CUX1: variants seen among roughly 807,000 people sequenced by gnomAD.
The protein encoded by CUX1 is cut like homeobox 1, also known as protein CASP.
In CUX1, 31 loss-of-function variants were observed where a neutral mutation model predicts 158.8. The observed-to-expected ratio is 0.20, with a 90% CI of 0.15 to 0.26. CUX1 has a LOEUF of 0.26. CUX1 is among the 10% of genes least tolerant of loss of function. The pLI is 1.00. For missense variants in CUX1, 1,589 were observed against 2,014.6 expected (o/e 0.79, Z 4.04); for synonymous variants, 879 against 862.1 (o/e 1.02, Z -0.34).
intron 2 of CUX1, among the ~76,000 whole-genome samples, chr7:101,971,307 G>A (rs1471376381): frequency 1.3e-5 from 2 of 152,184 alleles, no homozygotes; most frequent in Non-Finnish European, 2.9e-5. Context: ...AGCACAGTAT[G>A]ACAAGCAAGG....
chr7:102,123,718 A>G (rs1158876256), intron 8 of CUX1, among the ~76,000 whole-genome samples: 1 of 151,918 alleles, frequency 6.6e-6, no homozygotes, highest in East Asian at 1.9e-4. Context: ...GCTAGAGTAC[A>G]GTGATGCGAT....
intron 2 of CUX1, among the ~76,000 whole-genome samples, chr7:101,970,792 C>T (rs961110929): frequency 3.3e-5 from 5 of 152,094 alleles, no homozygotes; most frequent in Admixed American, 6.6e-5. Flanking sequence ...CTGACCTCAG[C>T]TGACCCACCT....
chr7:101,984,090 ATATATAT>A lies in CUX1; in HGVS notation c.142-44007_142-44001del, dbSNP rs1352499253. On this transcript the variant is annotated intron_variant, in intron 2 of 23. Coordinates refer to ENST00000292535, the MANE Select transcript of CUX1 (RefSeq NM_181552.4). Reference sequence around the variant, plus strand: ...TCTGTCCCCCCCCAAAAAAAAAAAAATATATATATATATATATATATATATATATATA... The same window carrying A: ...TCTGTCCCCCCCCAAAAAAAAAAAAAATATATATATATATATATATATATA... Among the ~76,000 whole-genome samples, 175 of 34,958 alleles carry A rather than the reference ATATATAT, an allele frequency of 5.0e-3. 17 individuals are homozygous for A. Among genetic ancestry groups the A allele is most frequent in the East Asian group, 8.0e-3 (13 of 1,616 alleles). The allele number at this position is 34,958 out of a possible 152,430, so 22.9% of individuals were successfully genotyped here. A position where few individuals can be genotyped will look rare whatever the true frequency, so the allele number is the denominator to read the frequency against.
In CUX1 at chr7:102,152,214, C is replaced by A. The variant is rs1835769898; in HGVS notation, c.675-6346C>A. On this transcript the variant is annotated intron_variant, in intron 8 of 23. Transcript: ENST00000292535. ...TTTTCTTTTAAATTAGCTGGGCTTG[C>A]TAGTGCACACCTATAAGTCCCAGCT... Among the ~76,000 whole-genome samples, 3 of 151,962 alleles carry A rather than the reference C, an allele frequency of 2.0e-5. No homozygotes were observed. The South Asian group carries it at 6.2e-4, about 31-fold the overall frequency.
Position 102,256,640 on chromosome 7 carries a change from G to T in CUX1, c.*7598G>T. The T allele has an allele frequency of 1.0e-6, 1 of 985,404 alleles. No individual in the cohort carries two copies. Among genetic ancestry groups the T allele is most frequent in the African/African-American group, 1.7e-5 (1 of 57,338 alleles). The allele number at this position is 985,404 out of a possible 1,614,324, so 61.0% of individuals were successfully genotyped here. A position where few individuals can be genotyped will look rare whatever the true frequency, so the allele number is the denominator to read the frequency against. On this transcript the variant is annotated 3_prime_UTR_variant, in exon 24 of 24. Coordinates refer to ENST00000292535, the MANE Select transcript of CUX1 (RefSeq NM_181552.4). Reference sequence around the variant, plus strand: ...CAAAAAAATTTACCAACGTGTGAGGGAGTTGCTGAGTTGAAGAATGCTCGC... The same window carrying T: ...CAAAAAAATTTACCAACGTGTGAGGTAGTTGCTGAGTTGAAGAATGCTCGC...
chr7:102,104,478 C>T lies in CUX1; in HGVS notation c.530+19C>T. ...AGGAGAGGTGAGCATGACTTCCAGGCACACACAGACTGACATAGCATTTGC... is the reference window on the plus strand; with the variant it reads ...AGGAGAGGTGAGCATGACTTCCAGGTACACACAGACTGACATAGCATTTGC... On this transcript the variant is annotated intron_variant, in intron 6 of 23. Coordinates refer to ENST00000292535, the MANE Select transcript of CUX1 (RefSeq NM_181552.4). 1 of 1,610,638 alleles carries T rather than the reference C, an allele frequency of 6.2e-7. No individual in the cohort carries two copies. Among genetic ancestry groups the T allele is most frequent in the Non-Finnish European group, 8.5e-7 (1 of 1,178,766 alleles).
chr7:102,070,493 C>T, intron 4 of CUX1, 76 bp downstream of exon 4: 2 of 1,108,890 alleles, frequency 1.8e-6, no homozygotes, highest in Non-Finnish European at 2.6e-6. Flanking sequence ...GCTCATTCTT[C>T]TTGGCTTTCC....
At chr7:102,170,657 G>C (rs1020022731) in intron 10 of CUX1, 107 bp downstream of exon 10, 1 of 725,740 alleles carries the variant, frequency 1.4e-6, no homozygotes, top group African/African-American at 1.8e-5. Context: ...TGGGAATCAC[G>C]TTTTAACTAG....
At chr7:102,150,906 A>G (rs1417401771) in intron 8 of CUX1, among the ~76,000 whole-genome samples, 1 of 152,230 alleles carries the variant, frequency 6.6e-6, no homozygotes. Context: ...GTCAGCTCAT[A>G]AAAACGTGAG....
intron 5 of CUX1, among the ~76,000 whole-genome samples, chr7:102,098,895 A>G (rs1031765180): frequency 1.5e-5 from 2 of 137,514 alleles, no homozygotes; most frequent in Non-Finnish European, 3.0e-5. Flanking sequence ...TCCTGACCTC[A>G]TGATCCACCC....
intron 22 of CUX1, among the ~76,000 whole-genome samples, chr7:102,235,884 G>A (rs1197935365): frequency 2.0e-5 from 3 of 151,454 alleles, no homozygotes; most frequent in South Asian, 2.1e-4. Flanking sequence ...GCCAAGCATC[G>A]CCGTTCTCAC....
chr7:102,012,468 G>A (rs566567553), intron 2 of CUX1, among the ~76,000 whole-genome samples: 136 of 152,308 alleles, frequency 8.9e-4, no homozygotes, highest in African/African-American at 3.1e-3. Context: ...GATTATAAGC[G>A]TGAGCCACTG....
chr7:102,104,608 C>G, intron 6 of CUX1, 149 bp downstream of exon 6: 1 of 1,143,966 alleles, frequency 8.7e-7, no homozygotes, highest in Non-Finnish European at 1.2e-6. Flanking sequence ...AAATGATATT[C>G]TGGCTGGGTG....
In CUX1 at chr7:101,923,146, G is replaced by C. The variant is rs183667932; in HGVS notation, c.141+6921G>C. Among the ~76,000 whole-genome samples the C allele has an allele frequency of 4.8e-3, 727 of 152,276 alleles. 4 individuals carry two copies. The highest frequency in any genetic ancestry group is 6.2e-3 in the Non-Finnish European group (419 of 68,028). ...CCTGGCTGTAGGGAGTTAGTGGATG[G>C]AGAGTGGCTGGACAGTTTGGAGACC... On this transcript the variant is annotated intron_variant, in intron 2 of 23. Transcript: ENST00000292535.
chr7:102,204,071 C>T (rs1218956663), intron 18 of CUX1, among the ~76,000 whole-genome samples: 3 of 152,198 alleles, frequency 2.0e-5, no homozygotes, highest in Admixed American at 6.5e-5. Context: ...ACCTCCTCCG[C>T]GGGGTGTCAG....
chr7:102,015,246 G>T (rs1259589616), intron 2 of CUX1, among the ~76,000 whole-genome samples: 1 of 152,104 alleles, frequency 6.6e-6, no homozygotes, highest in African/African-American at 2.4e-5. Flanking sequence ...TTTTATTTTT[G>T]GGATGGAGTC....
At chr7:101,909,093 C>T (rs1294148351) in intron 1 of CUX1, among the ~76,000 whole-genome samples, 2 of 151,706 alleles carry the variant, frequency 1.3e-5, no homozygotes, top group African/African-American at 4.8e-5. Flanking sequence ...CCCAGGAGTC[C>T]AGTTTAGGTT....
intron 4 of CUX1, among the ~76,000 whole-genome samples, chr7:102,080,823 C>T (rs563929154): frequency 4.6e-5 from 7 of 152,094 alleles, no homozygotes; most frequent in South Asian, 2.1e-4. Context: ...CAGAGTGATC[C>T]GAAGAACTCA....
intron 1 of CUX1, among the ~76,000 whole-genome samples, chr7:101,907,972 C>T (rs1467080713): frequency 6.6e-6 from 1 of 151,944 alleles, no homozygotes; most frequent in Non-Finnish European, 1.5e-5. Flanking sequence ...AAAAAAAAAC[C>T]ATCGTTTACT....
Sources: allele counts gnomAD v4.1 joint callset (sites outside exome capture counted in the v4.1 genomes callset), GRCh38; gene constraint gnomAD v4.1.1; transcripts MANE v1.5; gene names NCBI Gene and HGNC (gene_info 2026-07-23, HGNC 2026-07-21).